The following PPP1R16B variants were observed in gnomAD, a reference collection of about 807,000 sequenced individuals.
PPP1R16B encodes the protein protein phosphatase 1 regulatory subunit 16B.
A neutral mutation model predicts 61.7 loss-of-function variants in PPP1R16B; 14 were observed. That is an observed-to-expected ratio of 0.23 (90% CI 0.15 to 0.35). The LOEUF (loss-of-function observed/expected upper bound fraction) is 0.35. PPP1R16B is among the 10% of genes least tolerant of loss of function. PPP1R16B has a pLI of 1.00. For synonymous variants in PPP1R16B, 266 were observed against 305.3 expected (o/e 0.87, Z 1.34); for missense variants, 547 against 752.5 (o/e 0.73, Z 3.19).
chr20:38,901,392 A>G (rs2085392948), intron 5 of PPP1R16B, among the ~76,000 whole-genome samples: 1 of 152,154 alleles, frequency 6.6e-6, no homozygotes, highest in Admixed American at 6.5e-5. Flanking sequence ...TGGTGACTCT[A>G]TGGACCCCTT....
intron 2 of PPP1R16B, among the ~76,000 whole-genome samples, chr20:38,868,280 A>C (rs144014238): frequency 6.6e-6 from 1 of 152,162 alleles, no homozygotes. Flanking sequence ...CACCCCTGTG[A>C]GCTAAGCTCA....
At chr20:38,905,931 AT>A (rs764342642) in intron 6 of PPP1R16B, 37 bp from the exon 7 acceptor site, 1 of 1,597,930 alleles carries the variant, frequency 6.3e-7, no homozygotes, top group Non-Finnish European at 8.5e-7. Flanking sequence ...TGTGGGGCTG[AT>A]CCCCTGAGGA....
intron 2 of PPP1R16B, among the ~76,000 whole-genome samples, chr20:38,859,896 G>C (rs113829825): frequency 0.019 from 2,892 of 152,242 alleles, 107 homozygotes; most frequent in African/African-American, 0.066. Context: ...TATCCAAAAT[G>C]TCATTTCAGC....
rs1280127320 is a variant in PPP1R16B, at chr20:38,885,057, A to AAAG, written c.251-4524_251-4522dup. Among the ~76,000 whole-genome samples the AAAG allele has an allele frequency of 1.2e-3, 168 of 142,632 alleles. 7 individuals carry two copies. The highest frequency in any genetic ancestry group is 2.2e-3 in the Admixed American group (29 of 13,364). The allele number at this position is 142,632 out of a possible 152,430, so 93.6% of individuals were successfully genotyped here. A position where few individuals can be genotyped will look rare whatever the true frequency, so the allele number is the denominator to read the frequency against. ...GTCTCAAAAAAAAAAAAAAAAAAAAAAAGAAGAAGAAGAAGACTGGGCGTG... is the reference window on the plus strand; with the variant it reads ...GTCTCAAAAAAAAAAAAAAAAAAAAAAAGAAGAAGAAGAAGAAGACTGGGCGTG... On this transcript the variant is annotated intron_variant, in intron 2 of 10. Transcript: ENST00000299824.
chr20:38,877,312 C>CTT (rs542109425), intron 2 of PPP1R16B, among the ~76,000 whole-genome samples: 5 of 145,474 alleles, frequency 3.4e-5, no homozygotes, highest in Non-Finnish European at 4.6e-5. Context: ...TATATACTAA[C>CTT]TTTTTTTTTT....
chr20:38,915,118 A>C (rs540762622), intron 10 of PPP1R16B, among the ~76,000 whole-genome samples: 1 of 152,178 alleles, frequency 6.6e-6, no homozygotes, highest in Admixed American at 6.5e-5. Context: ...AGTGTGGTAC[A>C]TATGTTATCA....
intron 2 of PPP1R16B, among the ~76,000 whole-genome samples, chr20:38,852,768 T>TTTTGTTTG (rs1601257219): frequency 1.6e-5 from 1 of 62,336 alleles, no homozygotes; most frequent in Non-Finnish European, 3.0e-5. Context: ...TTTTTTTTTT[T>TTTTGTTTG]GCGGGGGGTG....
chr20:38,863,957 G>A (rs2085073108), intron 2 of PPP1R16B, among the ~76,000 whole-genome samples: 1 of 152,228 alleles, frequency 6.6e-6, no homozygotes, highest in Admixed American at 6.5e-5. Flanking sequence ...CAACTGATGA[G>A]GGGATACATG....
intron 1 of PPP1R16B, among the ~76,000 whole-genome samples, chr20:38,812,454 G>T (rs1357152446): frequency 6.6e-6 from 1 of 152,216 alleles, no homozygotes. Flanking sequence ...TCAAACTGCA[G>T]TGTGAAATCT....
rs577678716 is a variant in PPP1R16B at position 38,920,670 on chromosome 20, A to T, written c.*2004A>T. On this transcript the variant is annotated 3_prime_UTR_variant, in exon 11 of 11. Transcript: ENST00000299824. Reference sequence around the variant, plus strand: ...CACCCTTGGTGGCTGCTGGAAGGGGAGAGGTTCTCAGCATCAGGCCACCTC... The same window carrying T: ...CACCCTTGGTGGCTGCTGGAAGGGGTGAGGTTCTCAGCATCAGGCCACCTC... The T allele has an allele frequency of 1.6e-4, 24 of 152,484 alleles. No individual in the cohort carries two copies. Among genetic ancestry groups the T allele is most frequent in the African/African-American group, 5.1e-4 (21 of 41,562 alleles). The allele number at this position is 152,484 out of a possible 1,614,324, so 9.4% of individuals were successfully genotyped here.
chr20:38,858,478 A>G (rs1410626102), intron 2 of PPP1R16B, among the ~76,000 whole-genome samples: 1 of 152,212 alleles, frequency 6.6e-6, no homozygotes, highest in Non-Finnish European at 1.5e-5. Flanking sequence ...CACAGGGCAT[A>G]TCATTTTGTA....
intron 1 of PPP1R16B, among the ~76,000 whole-genome samples, chr20:38,807,716 C>T (rs1461169036): frequency 1.3e-5 from 2 of 152,206 alleles, no homozygotes; most frequent in Admixed American, 6.5e-5. Context: ...CCACCCTGGA[C>T]TGTCAACTCT....
At chr20:38,868,111 A>G (rs2085102360) in intron 2 of PPP1R16B, among the ~76,000 whole-genome samples, 1 of 152,062 alleles carries the variant, frequency 6.6e-6, no homozygotes, top group Non-Finnish European at 1.5e-5. Context: ...GCTGTTTTCC[A>G]TCTATTTCAG....
intron 10 of PPP1R16B, among the ~76,000 whole-genome samples, chr20:38,910,710 A>T (rs1013601139): frequency 6.6e-6 from 1 of 151,958 alleles, no homozygotes; most frequent in Non-Finnish European, 1.5e-5. Context: ...ATTAAAAAAA[A>T]TTTTTGGCTG....
At chr20:38,894,330 T>C (rs13042020) in intron 3 of PPP1R16B, among the ~76,000 whole-genome samples, 4,270 of 152,198 alleles carry the variant, frequency 0.028, 86 homozygotes, top group Non-Finnish European at 0.045. Flanking sequence ...CCGCTCCTGC[T>C]CCTTCTGTTG....
intron 1 of PPP1R16B, among the ~76,000 whole-genome samples, chr20:38,809,024 C>T (rs2084681148): frequency 1.4e-5 from 2 of 139,444 alleles, no homozygotes; most frequent in Non-Finnish European, 3.1e-5. Flanking sequence ...CAGAGCGAGA[C>T]TCCATCTCAA....
chr20:38,866,146 T>A (rs2085089151), intron 2 of PPP1R16B, among the ~76,000 whole-genome samples: 1 of 151,620 alleles, frequency 6.6e-6, no homozygotes, highest in Non-Finnish European at 1.5e-5. Flanking sequence ...AAATTAAAAA[T>A]AAATAAATAA....
intron 1 of PPP1R16B, among the ~76,000 whole-genome samples, chr20:38,814,403 C>T (rs2084722161): frequency 6.6e-6 from 1 of 152,142 alleles, no homozygotes; most frequent in African/African-American, 2.4e-5. Context: ...GGTTTGATTC[C>T]TACCTCCAGC....
chr20:38,879,291 G>A (rs957357945), intron 2 of PPP1R16B, among the ~76,000 whole-genome samples: 1 of 152,140 alleles, frequency 6.6e-6, no homozygotes, highest in Non-Finnish European at 1.5e-5. Context: ...AGAGGGAAGG[G>A]TCCAAGGCAC....
Sources: gnomAD v4.1 joint callset for allele counts (sites outside exome capture counted in the v4.1 genomes callset) on GRCh38, gnomAD v4.1.1 for gene constraint, MANE v1.5 for transcripts, NCBI Gene and HGNC (gene_info 2026-07-23, HGNC 2026-07-21) for gene names.